The following STAMBP variants were observed in gnomAD, a reference collection of about 807,000 sequenced individuals.
STAMBP encodes the protein STAM binding protein, also known as STAM-binding protein.
In STAMBP, 31 loss-of-function variants were observed where a neutral mutation model predicts 50.7. That is an observed-to-expected ratio of 0.61 (90% confidence interval 0.46 to 0.83). STAMBP has a LOEUF of 0.83. Among genes scored for constraint, STAMBP ranks in the 40% least tolerant of loss-of-function variants. The pLI, the probability that STAMBP is intolerant of heterozygous loss-of-function variation, is 0.00. For missense variants in STAMBP, 472 were observed against 518.9 expected, an observed-to-expected ratio of 0.91 and a Z score of 0.88; for synonymous variants, 211 against 192.4, an observed-to-expected ratio of 1.10 and a Z score of -0.80.
At chr2:73,855,419 TAGAG>T (rs1677423341) in intron 7 of STAMBP, among the ~76,000 whole-genome samples, 1 of 152,216 alleles carries the variant, frequency 6.6e-6, no homozygotes, top group Non-Finnish European at 1.5e-5. Context: ...GTACAGTAGT[TAGAG>T]AGGAGCAGGG....
intron 6 of STAMBP, among the ~76,000 whole-genome samples, chr2:73,849,741 A>G (rs1676572562): frequency 1.3e-5 from 2 of 152,206 alleles, no homozygotes; most frequent in African/African-American, 2.4e-5. Context: ...CATTATCTAC[A>G]TATCAATTTT....
intron 5 of STAMBP, among the ~76,000 whole-genome samples, chr2:73,848,073 ACT>A (rs879053534): frequency 2.6e-5 from 4 of 151,972 alleles, no homozygotes; most frequent in Admixed American, 6.6e-5. Context: ...CTGCTGTGTG[ACT>A]CTGTGTCCCC....
downstream of STAMBP, among the ~76,000 whole-genome samples, chr2:73,868,563 A>T (rs1679062389): frequency 6.6e-6 from 1 of 152,134 alleles, no homozygotes; most frequent in Non-Finnish European, 1.5e-5. Flanking sequence ...ATCAACATTT[A>T]TTTTTTATTT....
chr2:73,847,324 G>A (rs759078967), intron 4 of STAMBP, 63 bp from the exon 5 acceptor site: 1 of 1,524,220 alleles, frequency 6.6e-7, no homozygotes, highest in South Asian at 1.3e-5. Flanking sequence ...AAAAAGCCTT[G>A]TTCTCCTGAA....
chr2:73,850,303 A>C lies in STAMBP; in HGVS notation c.868-73A>C, dbSNP rs1676646721. On this transcript the variant is annotated intron_variant, in intron 6 of 9. Coordinates refer to ENST00000394070, the MANE Select transcript of STAMBP (RefSeq NM_213622.4). This position sits in a 1 kb window ranked among gnomAD's most constrained non-coding sequence, Gnocchi z 4.3. The stretch of plus-strand genomic sequence containing the variant: ...CACTTGTATAGATGCTTACCTTTCC[A>C]CTGTCGGGATGGAGTGGAGCAGGGT... 1 of 1,529,082 alleles carries C rather than the reference A, an allele frequency of 6.5e-7. No homozygotes were observed. The highest frequency in any genetic ancestry group is 1.4e-5 in the African/African-American group (1 of 72,116). 94.7% of individuals were successfully genotyped at this position (1,529,082 alleles called of 1,614,324 possible). A position where few individuals can be genotyped will look rare whatever the true frequency, so the allele number is the denominator to read the frequency against.
chr2:73,863,817 G>A lies in STAMBP; in HGVS notation c.*1558G>A, dbSNP rs114449641. Reference sequence around the variant, plus strand: ...TTAGGGCTTTCTTACCTTTTATTTCGACTGTAGCCGTTGGCTTTTACCAAG... The same window carrying A: ...TTAGGGCTTTCTTACCTTTTATTTCAACTGTAGCCGTTGGCTTTTACCAAG... On this transcript the variant is annotated 3_prime_UTR_variant, in exon 10 of 10. Transcript: ENST00000394070. 5 of 152,082 alleles carry A rather than the reference G, an allele frequency of 3.3e-5. No homozygotes were observed. The highest frequency in any genetic ancestry group is 9.7e-5 in the African/African-American group (4 of 41,392). The allele number at this position is 152,082 out of a possible 1,614,324, so 9.4% of individuals were successfully genotyped here.
intron 2 of STAMBP, among the ~76,000 whole-genome samples, chr2:73,831,681 T>A (rs1216473002): frequency 6.6e-6 from 1 of 152,198 alleles, no homozygotes; most frequent in East Asian, 1.9e-4. Context: ...AAGGAAATAA[T>A]GTTAAAGGTC....
Position 73,864,507 on chromosome 2 carries a change from C to T in STAMBP, c.*2248C>T, listed in dbSNP as rs1431842813. 1 of 152,418 alleles carries T rather than the reference C, an allele frequency of 6.6e-6. No homozygotes were observed. The highest frequency in any genetic ancestry group is 2.4e-5 in the African/African-American group (1 of 41,416). The allele number at this position is 152,418 out of a possible 1,614,324, so 9.4% of individuals were successfully genotyped here. A position where few individuals can be genotyped will look rare whatever the true frequency, so the allele number is the denominator to read the frequency against. Reference sequence around the variant, plus strand: ...GAGGAGACGTGGAATCAAGCCAGCCCACAAGCCCTGAGACTGGATAGGCCG... The same window carrying T: ...GAGGAGACGTGGAATCAAGCCAGCCTACAAGCCCTGAGACTGGATAGGCCG... On this transcript the variant is annotated 3_prime_UTR_variant, in exon 10 of 10. Coordinates refer to ENST00000394070, the MANE Select transcript of STAMBP (RefSeq NM_213622.4).
chr2:73,855,654 T>C (rs1402729679), intron 7 of STAMBP: 1 of 456,108 alleles, frequency 2.2e-6, no homozygotes, highest in African/African-American at 2.0e-5. Flanking sequence ...AGTCCTTACA[T>C]GCCCCATGAA....
chr2:73,851,657 G>C lies in STAMBP; in HGVS notation c.1005+1144G>C, dbSNP rs1305881493. On this transcript the variant is annotated intron_variant, in intron 7 of 9. Coordinates refer to ENST00000394070, the MANE Select transcript of STAMBP (RefSeq NM_213622.4). ...GGTAGATTTTTTTTTTTTTTTTTTT[G>C]AGACAGAGTTTCACTCTTTTCACCC... Among the ~76,000 whole-genome samples the C allele has an allele frequency of 3.9e-5, 4 of 102,864 alleles. No individual in the cohort carries two copies. In the Admixed American group the frequency reaches 4.1e-4, roughly 11 times the overall value. 67.5% of individuals were successfully genotyped at this position (102,864 alleles called of 152,430 possible). A position where few individuals can be genotyped will look rare whatever the true frequency, so the allele number is the denominator to read the frequency against.
chr2:73,853,802 C>T (rs1677186887), intron 7 of STAMBP, among the ~76,000 whole-genome samples: 1 of 152,214 alleles, frequency 6.6e-6, no homozygotes, highest in Non-Finnish European at 1.5e-5. Context: ...GGTCAGGAAA[C>T]AGAACACTGT....
At chr2:73,844,690 T>C in intron 2 of STAMBP, 123 bp from the exon 3 acceptor site, 1 of 716,032 alleles carries the variant, frequency 1.4e-6, no homozygotes, top group Non-Finnish European at 2.3e-6. Flanking sequence ...GTATTAGCTC[T>C]CCCTCCGCTG....
At chr2:73,850,000 G>T (rs1279306373) in intron 6 of STAMBP, among the ~76,000 whole-genome samples, 1 of 152,186 alleles carries the variant, frequency 6.6e-6, no homozygotes, top group African/African-American at 2.4e-5. Context: ...AATGTAAGCC[G>T]AGGCTTACAG....
At chr2:73,830,794 C>A in intron 1 of STAMBP, 51 bp from the exon 2 acceptor site, 1 of 1,426,648 alleles carries the variant, frequency 7.0e-7, no homozygotes, top group African/African-American at 1.4e-5. Context: ...TGTAAAACTG[C>A]TGGGATGATG....
At chr2:73,868,691 C>T (rs1426910173), downstream of STAMBP, among the ~76,000 whole-genome samples, 1 of 151,976 alleles carries the variant, frequency 6.6e-6, no homozygotes, top group East Asian at 1.9e-4. Flanking sequence ...CGAGACCAGC[C>T]TGGGCAACAT....
chr2:73,843,756 T>C (rs1218546583), intron 2 of STAMBP, among the ~76,000 whole-genome samples: 1 of 152,274 alleles, frequency 6.6e-6, no homozygotes, highest in Non-Finnish European at 1.5e-5. Context: ...TCTTTTTTCT[T>C]TATTGAGGAT....
At chr2:73,869,258 A>G (rs1679099677), downstream of STAMBP, among the ~76,000 whole-genome samples, 6 of 152,234 alleles carry the variant, frequency 3.9e-5, no homozygotes, top group South Asian at 1.2e-3. Context: ...ATTGGGGGAA[A>G]AAAAATCTAA....
chr2:73,850,571 T>G lies in STAMBP; in HGVS notation c.1005+58T>G. 1 of 1,526,248 alleles carries G rather than the reference T, an allele frequency of 6.6e-7. No homozygotes were observed. The highest frequency in any genetic ancestry group is 8.8e-7 in the Non-Finnish European group (1 of 1,134,136). The allele number at this position is 1,526,248 out of a possible 1,614,324, so 94.5% of individuals were successfully genotyped here. A position where few individuals can be genotyped will look rare whatever the true frequency, so the allele number is the denominator to read the frequency against. On this transcript the variant is annotated intron_variant, in intron 7 of 9. Transcript: ENST00000394070. The surrounding 1 kb of genome is among the most constrained non-coding windows in gnomAD (Gnocchi z 4.3). ...TCTGCCTCTCCCATGGTGGTATAAA[T>G]ACATGAGTGTTTCTTTGAACAAAGT...
intron 2 of STAMBP, among the ~76,000 whole-genome samples, chr2:73,839,687 G>A (rs528822100): frequency 6.6e-6 from 1 of 152,312 alleles, no homozygotes; most frequent in Admixed American, 6.5e-5. Flanking sequence ...CTACAAGGGA[G>A]ATATTAAAGT....
Sources: allele counts gnomAD v4.1 joint callset (sites outside exome capture counted in the v4.1 genomes callset), GRCh38; gene constraint gnomAD v4.1.1; non-coding constraint Gnocchi (gnomAD v3.1); transcripts MANE v1.5; gene names NCBI Gene and HGNC (gene_info 2026-07-23, HGNC 2026-07-21).